Variants in FGA observed in about 807,000 individuals in gnomAD.
FGA encodes fibrinogen alpha chain, also known as fibrinogen, A alpha polypeptide.
In FGA, 20 loss-of-function variants were observed where a neutral mutation model predicts 20.3. The observed-to-expected ratio is 0.99, with a 90% CI of 0.69 to 1.43. The LOEUF (loss-of-function observed/expected upper bound fraction) is 1.43, where lower values mean the gene tolerates loss of function less well. Among genes scored for constraint, FGA ranks in the 40% most tolerant of loss-of-function variants. The pLI is 0.00. For synonymous variants in FGA, 306 were observed against 281.6 expected, an observed-to-expected ratio of 1.09 and a Z score of -0.87; for missense variants, 777 against 784.7, an observed-to-expected ratio of 0.99 and a Z score of 0.12.
chr4:154,587,485 C>T (rs1730755239), intron 4 of FGA, 27 bp downstream of exon 4: 1 of 1,610,962 alleles, frequency 6.2e-7, no homozygotes, highest in Non-Finnish European at 8.5e-7. Context: ...GAAACAAGGA[C>T]ATCTGGGACC....
In FGA at chr4:154,588,782, GTAATACT is replaced by G; in HGVS notation, c.364+4_364+10del. 6.4e-7 allele frequency: 1 copy of G among 1,571,888 alleles called. No homozygotes were observed. Among genetic ancestry groups the G allele is most frequent in the Non-Finnish European group, 8.7e-7 (1 of 1,143,352 alleles). Reference sequence around the variant, plus strand: ...GTTATAAAGTCAAAGCAGTAAATATGTAATACTTACTATTGGCTGAGGAAAAATCGCC... The same window carrying G: ...GTTATAAAGTCAAAGCAGTAAATATGTACTATTGGCTGAGGAAAAATCGCC... On this transcript the variant is annotated splice_donor_5th_base_variant and intron_variant, in intron 3 of 4. Transcript: ENST00000403106.
At chr4:154,588,555 A>C (rs1345105239) in intron 3 of FGA, among the ~76,000 whole-genome samples, 1 of 152,174 alleles carries the variant, frequency 6.6e-6, no homozygotes, top group Non-Finnish European at 1.5e-5. Context: ...TCTTGTTTTT[A>C]ATCCAAAATT....
At position 154,585,744 on chromosome 4, in the gene FGA, G is replaced by T. The variant is rs1170342579; in HGVS notation, c.1685C>A (p.Ser562Tyr). ...GIFTNTKESS[S>Y]HHPGIAEFPS... is the part of the protein sequence containing the mutation. ...GAATTCAGCTATCCCAGGGTGATGA[G>T]AACTGGATTCCTTTGTATTTGTGAA... The change falls in exon 5 of 5, where the codon TCT (serine) becomes TAT (tyrosine). Residue 562 changes from serine (S) to tyrosine (Y), a missense_variant. Physicochemically the swap from Ser to Tyr is moderately radical, Grantham distance 144. Transcript: ENST00000403106. 13 of 1,614,026 alleles carry T rather than the reference G, an allele frequency of 8.1e-6. No individual in the cohort carries two copies. The highest frequency in any genetic ancestry group is 8.5e-6 in the Non-Finnish European group (10 of 1,180,016).
intron 4 of FGA, 70 bp from the exon 5 acceptor site, chr4:154,586,988 T>C: frequency 6.7e-7 from 1 of 1,482,472 alleles, no homozygotes; most frequent in South Asian, 1.2e-5. Context: ...ATTGAGTTCC[T>C]GGTAGTTAAT....
In FGA at chr4:154,585,441, A is replaced by C; in HGVS notation, c.*53T>G. ...TTCAATGACGTGTAACAGAGAGTTA[A>C]GAAGGAAATGCAAGGGGCCATGGGA... On this transcript the variant is annotated 3_prime_UTR_variant, in exon 5 of 5. Coordinates refer to ENST00000403106, the MANE Select transcript of FGA (RefSeq NM_021871.4). 7.6e-7 allele frequency: 1 copy of C among 1,312,824 alleles called. No homozygotes were observed. Among genetic ancestry groups the C allele is most frequent in the East Asian group, 2.3e-5 (1 of 43,236 alleles). 81.3% of individuals were successfully genotyped at this position (1,312,824 alleles called of 1,614,324 possible).
At chr4:154,584,401 G>A, downstream of FGA, 1 of 1,614,164 alleles carries the variant, frequency 6.2e-7, no homozygotes, top group Non-Finnish European at 8.5e-7. Flanking sequence ...GGTGTACTCT[G>A]CCCCTTCCTC....
Position 154,586,371 on chromosome 4 carries a change from C to T in FGA, c.1058G>A (p.Arg353Lys), listed in dbSNP as rs757384888. The T allele has an allele frequency of 2.5e-6, 4 of 1,614,230 alleles. No individual in the cohort carries two copies. The highest frequency in any genetic ancestry group is 3.4e-6 in the Non-Finnish European group (4 of 1,180,042). Residue 353 changes from arginine (R) to lysine (K), a missense_variant, in exon 5 of 5, where the codon AGA becomes AAA. Transcript: ENST00000403106. ...STGNQNPGSPRPGSTGTWNPG... is the reference protein window; with the variant it reads ...STGNQNPGSPKPGSTGTWNPG... ...ATTCCAGGTTCCGGTACTACCAGGT[C>T]TAGGGCTCCCAGGGTTTTGGTTTCC...
In FGA at chr4:154,586,538, A is replaced by G. The variant is rs576468194; in HGVS notation, c.891T>C (p.Ser297=). 1 of 1,614,120 alleles carries G rather than the reference A, an allele frequency of 6.2e-7. No homozygotes were observed. The highest frequency in any genetic ancestry group is 1.1e-5 in the South Asian group (1 of 91,076). Residue 297 remains serine (S), a synonymous_variant, in exon 5 of 5, where the codon TCT becomes TCC. Coordinates refer to ENST00000403106, the MANE Select transcript of FGA (RefSeq NM_021871.4). ...RNPSSAGSWN[S]GSSGPGSTGN... ...CAGTACTTCCAGGTCCAGAGCTCCC[A>G]GAGTTCCAGCTTCCAGCACTGCTAG...
chr4:154,587,768 A>AAAG, intron 3 of FGA, 111 bp from the exon 4 acceptor site: 1 of 677,810 alleles, frequency 1.5e-6, no homozygotes, highest in Non-Finnish European at 2.5e-6. Flanking sequence ...AGAAAGAAAG[A>AAAG]AAGAAAGAAA....
intron 2 of FGA, 136 bp from the exon 3 acceptor site, chr4:154,589,112 CTAGT>C: frequency 1.3e-6 from 1 of 796,780 alleles, no homozygotes; most frequent in Non-Finnish European, 2.1e-6. Context: ...GGTAAGAGGA[CTAGT>C]TAGAGGTCGC....
chr4:154,583,865 A>T (rs1369837427), downstream of FGA: 2 of 456,282 alleles, frequency 4.4e-6, no homozygotes, highest in Middle Eastern at 6.1e-4. Flanking sequence ...CACTTTCCTG[A>T]TGTACTGAAT....
At position 154,585,469 on chromosome 4, in the gene FGA, A is replaced by G; in HGVS notation, c.*25T>C. On this transcript the variant is annotated 3_prime_UTR_variant, in exon 5 of 5. Transcript: ENST00000403106. ...AGGAAATGCAAGGGGCCATGGGAAC[A>G]CTGTGCAGAAATATTTAACTTAGTC... 7 of 1,438,362 alleles carry G rather than the reference A, an allele frequency of 4.9e-6. No homozygotes were observed. Among genetic ancestry groups the G allele is most frequent in the Non-Finnish European group, 5.9e-6 (6 of 1,021,002 alleles). The allele number at this position is 1,438,362 out of a possible 1,614,324, so 89.1% of individuals were successfully genotyped here. A position where few individuals can be genotyped will look rare whatever the true frequency, so the allele number is the denominator to read the frequency against.
chr4:154,585,793 A>G lies in FGA; in HGVS notation c.1636T>C (p.Ser546Pro), dbSNP rs765169639. 1 of 1,614,072 alleles carries G rather than the reference A, an allele frequency of 6.2e-7. No homozygotes were observed. Among genetic ancestry groups the G allele is most frequent in the South Asian group, 1.1e-5 (1 of 91,076 alleles). The change falls in exon 5 of 5, where the codon TCT becomes CCT. Residue 546 changes from serine to proline, a missense_variant. Ser to Pro is a moderately conservative substitution (Grantham distance 74). Coordinates refer to ENST00000403106, the MANE Select transcript of FGA (RefSeq NM_021871.4). ...AAGATGCCAGATTCTGAGCCCCTAG[A>G]CTCAGTCTCACTGACAAACTCTCCT... The part of the protein sequence containing the change: ...MLGEFVSETE[S>P]RGSESGIFTN...
chr4:154,586,494 CT>C lies in FGA; in HGVS notation c.934del (p.Ser312AlafsTer109). 1.2e-6 allele frequency: 2 copies of C among 1,613,918 alleles called. No individual in the cohort carries two copies. The highest frequency in any genetic ancestry group is 1.7e-6 in the Non-Finnish European group (2 of 1,179,996). ...GGTTGCAGTCCCTCCAGTCCCAGAG[CT>C]CCCAGGGTTTCGGTTTCCAGTACTT... Reference protein sequence around the residue: ...PGSTGNRNPGSSGTGGTATWK... With the variant: ...PGSTGNRNPGXSGTGGTATWK... On this transcript the variant is annotated frameshift_variant, in exon 5 of 5. Coordinates refer to ENST00000403106, the MANE Select transcript of FGA (RefSeq NM_021871.4). LOFTEE classifies it low-confidence loss of function (END_TRUNC).
Position 154,586,639 on chromosome 4 carries a change from G to T in FGA, c.790C>A (p.Pro264Thr), listed in dbSNP as rs1352522848. Residue 264 changes from proline to threonine, a missense_variant, in exon 5 of 5, where the codon CCT becomes ACT. Pro to Thr is a conservative substitution (Grantham distance 38, BLOSUM62 -1). Coordinates refer to ENST00000403106, the MANE Select transcript of FGA (RefSeq NM_021871.4). The part of the protein sequence containing the change: ...MPQMRMELER[P>T]GGNEITRGGS... Reference sequence around the variant, plus strand: ...CCTCGAGTAATCTCATTTCCACCAGGTCTCTCTAACTCCATTCTCATCTGC... The same window carrying T: ...CCTCGAGTAATCTCATTTCCACCAGTTCTCTCTAACTCCATTCTCATCTGC... The T allele has an allele frequency of 6.2e-7, 1 of 1,614,024 alleles. No individual in the cohort carries two copies. Among genetic ancestry groups the T allele is most frequent in the South Asian group, 1.1e-5 (1 of 91,072 alleles).
chr4:154,584,292 GT>G, downstream of FGA: 1 of 1,614,144 alleles, frequency 6.2e-7, no homozygotes, highest in Non-Finnish European at 8.5e-7. Flanking sequence ...CTGCTTGGCA[GT>G]TATTATACCA....
chr4:154,586,221 G>A lies in FGA; in HGVS notation c.1208C>T (p.Ala403Val), dbSNP rs746647055. The change falls in exon 5 of 5, where the codon GCG becomes GTG. Residue 403 changes from alanine (A) to valine (V), a missense_variant. Transcript: ENST00000403106. ...FRPDSPGSGN[A>V]RPNNPDWGTF... The stretch of plus-strand genomic sequence containing the variant: ...GCCCCAGTCTGGGTTGTTAGGCCTC[G>A]CGTTCCCAGAGCCTGGGCTATCTGG... 25 of 1,613,890 alleles carry A rather than the reference G, an allele frequency of 1.5e-5. No individual in the cohort carries two copies. The highest frequency in any genetic ancestry group is 1.6e-4 in the Middle Eastern group (1 of 6,074).
rs1231010738 is a variant in FGA at position 154,587,760 on chromosome 4, A to G, written c.365-103T>C. On this transcript the variant is annotated intron_variant, in intron 3 of 4. Transcript: ENST00000403106. ...AGGAAGGAAGGAGAAAGAAAGAAAG[A>G]AAGAAAGAAAGAAAGAAAGAAAGAA... 13 of 592,168 alleles carry G rather than the reference A, an allele frequency of 2.2e-5. No individual in the cohort carries two copies. The African/African-American group carries it at 2.5e-4, about 11-fold the overall frequency. The allele number at this position is 592,168 out of a possible 1,614,324, so 36.7% of individuals were successfully genotyped here.
chr4:154,584,723 T>C, downstream of FGA: 1 of 1,614,078 alleles, frequency 6.2e-7, no homozygotes, highest in Non-Finnish European at 8.5e-7. Flanking sequence ...CCTCCCAAAC[T>C]GGTCTCTTGA....
Sources: allele counts gnomAD v4.1 joint callset (sites outside exome capture counted in the v4.1 genomes callset), GRCh38; gene constraint gnomAD v4.1.1; transcripts MANE v1.5; gene names NCBI Gene and HGNC (gene_info 2026-07-23, HGNC 2026-07-21).